Variants in SKIC2 observed in about 807,000 individuals in gnomAD.
SKIC2 encodes SKI2 subunit of superkiller complex, also known as superkiller complex protein 2.
chr6:31,965,790 T>G, the SKIC2 span: 1 of 1,604,736 alleles, frequency 6.2e-7, no homozygotes, highest in Non-Finnish European at 8.5e-7. The surrounding 1 kb of genome is among the most constrained non-coding windows in gnomAD (Gnocchi z 5.6). Flanking sequence ...CAGGTCTTGT[T>G]TGCCACAGAG....
chr6:31,962,849 G>C, the SKIC2 span: 1 of 1,408,942 alleles, frequency 7.1e-7, no homozygotes, highest in African/African-American at 1.4e-5. The surrounding 1 kb of genome is among the most constrained non-coding windows in gnomAD (Gnocchi z 5.0). Flanking sequence ...TTTGGGACCA[G>C]TTGAGCGTCT....
the SKIC2 span, chr6:31,967,175 A>G: frequency 1.2e-6 from 2 of 1,606,378 alleles, no homozygotes; most frequent in Non-Finnish European, 8.5e-7. The surrounding 1 kb of genome is among the most constrained non-coding windows in gnomAD (Gnocchi z 4.9). Context: ...AGGTGATAGG[A>G]GAAGGGAAGA....
At chr6:31,967,569 T>C in the SKIC2 span, 1 of 930,228 alleles carries the variant, frequency 1.1e-6, no homozygotes, top group Non-Finnish European at 1.7e-6. This position sits in a 1 kb window ranked among gnomAD's most constrained non-coding sequence, Gnocchi z 4.9. Context: ...AGAAGTCTGC[T>C]CTGATCGCTT....
the SKIC2 span, chr6:31,963,107 C>T: frequency 1.8e-5 from 29 of 1,575,348 alleles, no homozygotes; most frequent in Middle Eastern, 3.3e-4. This position sits in a 1 kb window ranked among gnomAD's most constrained non-coding sequence, Gnocchi z 5.3. Context: ...ACGTGTGTCC[C>T]GGGTTGCCTG....
At chr6:31,960,152 A>G in the SKIC2 span, 3 of 1,607,168 alleles carry the variant, frequency 1.9e-6, no homozygotes, top group Non-Finnish European at 2.6e-6. Flanking sequence ...GACTAGGGTG[A>G]TGGGTTCCTG....
the SKIC2 span, chr6:31,962,581 C>T: frequency 6.2e-7 from 1 of 1,612,704 alleles, no homozygotes; most frequent in South Asian, 1.1e-5. The surrounding 1 kb of genome is among the most constrained non-coding windows in gnomAD (Gnocchi z 5.0). Flanking sequence ...CACAGAGATC[C>T]TTCGGTGAGA....
At chr6:31,967,286 A>G in the SKIC2 span, 1 of 1,612,940 alleles carries the variant, frequency 6.2e-7, no homozygotes, top group South Asian at 1.1e-5. The surrounding 1 kb of genome is among the most constrained non-coding windows in gnomAD (Gnocchi z 4.9). Context: ...CGCATCATGG[A>G]GTCTGTGAAC....
the SKIC2 span, chr6:31,959,452 T>G: frequency 8.4e-7 from 1 of 1,197,252 alleles, no homozygotes; most frequent in East Asian, 2.3e-5. Flanking sequence ...CAAACCTCCT[T>G]CACCCTCCTC....
chr6:31,966,011 A>G, the SKIC2 span: 1 of 1,582,580 alleles, frequency 6.3e-7, no homozygotes. The surrounding 1 kb of genome is among the most constrained non-coding windows in gnomAD (Gnocchi z 5.9). Flanking sequence ...CCGCATGATG[A>G]TGGTGAGCGG....
At chr6:31,962,493 C>G in the SKIC2 span, 3 of 1,614,120 alleles carry the variant, frequency 1.9e-6, no homozygotes, top group African/African-American at 1.3e-5. The surrounding 1 kb of genome is among the most constrained non-coding windows in gnomAD (Gnocchi z 5.0). Flanking sequence ...TCCGGGACTT[C>G]CGAAACACAT....
the SKIC2 span, chr6:31,968,937 G>A: frequency 6.2e-7 from 1 of 1,612,988 alleles, no homozygotes. This position sits in a 1 kb window ranked among gnomAD's most constrained non-coding sequence, Gnocchi z 6.1. Context: ...GGTGGCTTGT[G>A]CCATGAGCAG....
At chr6:31,967,183 A>G in the SKIC2 span, 2 of 1,607,226 alleles carry the variant, frequency 1.2e-6, no homozygotes, top group Non-Finnish European at 1.7e-6. The surrounding 1 kb of genome is among the most constrained non-coding windows in gnomAD (Gnocchi z 4.9). Context: ...GGAGAAGGGA[A>G]GAGAAGATCG....
chr6:31,968,732 G>C, the SKIC2 span: 15 of 1,612,972 alleles, frequency 9.3e-6, no homozygotes, highest in Non-Finnish European at 1.3e-5. This position sits in a 1 kb window ranked among gnomAD's most constrained non-coding sequence, Gnocchi z 6.1. Context: ...GAGATGGAGC[G>C]GCTGCGCTTC....
chr6:31,967,505 ACC>A, the SKIC2 span: 1 of 799,362 alleles, frequency 1.3e-6, no homozygotes, highest in Non-Finnish European at 2.0e-6. This position sits in a 1 kb window ranked among gnomAD's most constrained non-coding sequence, Gnocchi z 4.9. Context: ...CCTCCTTTTC[ACC>A]CTCTCCCTTC....
At chr6:31,963,165 T>G in the SKIC2 span, 1 of 1,099,120 alleles carries the variant, frequency 9.1e-7, no homozygotes, top group Middle Eastern at 2.0e-4. The surrounding 1 kb of genome is among the most constrained non-coding windows in gnomAD (Gnocchi z 5.3). Flanking sequence ...GGACTAAGTC[T>G]ACCACAGCAA....
At chr6:31,966,040 G>T in the SKIC2 span, 3 of 1,438,320 alleles carry the variant, frequency 2.1e-6, no homozygotes, top group Non-Finnish European at 2.9e-6. This position sits in a 1 kb window ranked among gnomAD's most constrained non-coding sequence, Gnocchi z 5.9. Context: ...GCTCGGCAGG[G>T]CCCCAGCTCC....
At chr6:31,963,154 G>A in the SKIC2 span, 2 of 1,179,914 alleles carry the variant, frequency 1.7e-6, no homozygotes, top group African/African-American at 3.0e-5. The surrounding 1 kb of genome is among the most constrained non-coding windows in gnomAD (Gnocchi z 5.3). Context: ...ATTCGGGTGG[G>A]GGACTAAGTC....
the SKIC2 span, chr6:31,959,449 C>T: frequency 8.2e-7 from 1 of 1,215,176 alleles, no homozygotes; most frequent in Non-Finnish European, 1.2e-6. Context: ...GTCCAAACCT[C>T]CTTCACCCTC....
the SKIC2 span, chr6:31,967,685 C>A: frequency 1.5e-5 from 24 of 1,611,034 alleles, no homozygotes; most frequent in African/African-American, 2.7e-5. This position sits in a 1 kb window ranked among gnomAD's most constrained non-coding sequence, Gnocchi z 4.9. Context: ...CATCACACCC[C>A]CCTCTCCTGG....
Sources: gnomAD v4.1 joint callset for allele counts on GRCh38, gnomAD v4.1.1 for gene constraint, Gnocchi (gnomAD v3.1) non-coding constraint, MANE v1.5 for transcripts, NCBI Gene and HGNC (gene_info 2026-07-23, HGNC 2026-07-21) for gene names.